Variants in PANK1 observed in about 807,000 individuals in gnomAD.
The protein encoded by PANK1 is pantothenate kinase 1, also known as pantothenic acid kinase 1.
In PANK1, 18 loss-of-function variants were observed where a neutral mutation model predicts 40.1. That is an observed-to-expected ratio of 0.45 (90% CI 0.31 to 0.67). The LOEUF (loss-of-function observed/expected upper bound fraction) is 0.67. Ranked by LOEUF, PANK1 falls within the 30% of genes least tolerant of loss-of-function variation. PANK1 has a pLI of 0.06. For synonymous variants in PANK1, 242 were observed against 237.7 expected (o/e 1.02, Z -0.17); for missense variants, 457 against 599.6 (o/e 0.76, Z 2.48).
chr10:89,623,023 C>T (rs1845542529), intron 1 of PANK1, among the ~76,000 whole-genome samples: 1 of 152,044 alleles, frequency 6.6e-6, no homozygotes, highest in Non-Finnish European at 1.5e-5. Flanking sequence ...TGTTCATTAT[C>T]TATCGTTAGG....
At position 89,611,872 on chromosome 10, in the gene PANK1, C is replaced by T. The variant is rs780871477; in HGVS notation, c.469G>A (p.Glu157Lys). The T allele has an allele frequency of 6.2e-7, 1 of 1,614,144 alleles. No individual in the cohort carries two copies. The highest frequency in any genetic ancestry group is 8.5e-7 in the Non-Finnish European group (1 of 1,180,020). ...CCACACATGGTCAGGTTTTTCAGTT[C>T]CAGGTGGACGTCTCGGATCCCAGTT... ...GKTGIRDVHL[E>K]LKNLTMCGRK... Residue 157 changes from glutamate to lysine, a missense_variant, in exon 2 of 7, where the codon GAA becomes AAA. Physicochemically the swap from Glu to Lys is moderately conservative, Grantham distance 56. Coordinates refer to ENST00000307534, the MANE Select transcript of PANK1 (RefSeq NM_148977.3).
chr10:89,636,452 C>T (rs1454527979), intron 1 of PANK1, among the ~76,000 whole-genome samples: 1 of 151,800 alleles, frequency 6.6e-6, no homozygotes. Context: ...ATTCTCCTGC[C>T]TCATATTATT....
At chr10:89,620,990 G>A (rs533595530) in intron 1 of PANK1, among the ~76,000 whole-genome samples, 7 of 152,228 alleles carry the variant, frequency 4.6e-5, no homozygotes, top group Admixed American at 6.5e-5. Context: ...GCCTAAGGAC[G>A]TCCACAAGTT....
In PANK1 at chr10:89,593,321, C is replaced by T; in HGVS notation, c.1077-1G>A. The stretch of plus-strand genomic sequence containing the variant: ...TTCTTTACTCATCATGTTGCCAAAG[C>T]TATGTTGGAAATATCAGCGAGAGTG... On this transcript the variant is annotated splice_acceptor_variant, in intron 4 of 6. Transcript: ENST00000307534. LOFTEE classifies it high-confidence loss of function. The T allele has an allele frequency of 6.2e-7, 1 of 1,613,360 alleles. No individual in the cohort carries two copies. Among genetic ancestry groups the T allele is most frequent in the Non-Finnish European group, 8.5e-7 (1 of 1,179,634 alleles).
At chr10:89,623,070 G>A (rs1845545843) in intron 1 of PANK1, among the ~76,000 whole-genome samples, 1 of 152,118 alleles carries the variant, frequency 6.6e-6, no homozygotes, top group African/African-American at 2.4e-5. Flanking sequence ...ATTTCAGGCG[G>A]TTATAATTTT....
intron 1 of PANK1, among the ~76,000 whole-genome samples, chr10:89,628,905 A>G (rs945876725): frequency 6.6e-6 from 1 of 152,122 alleles, no homozygotes. Context: ...TGCGCTTCCC[A>G]GGCTGCTATG....
At chr10:89,592,333 G>A (rs1307321377) in intron 5 of PANK1, among the ~76,000 whole-genome samples, 1 of 152,180 alleles carries the variant, frequency 6.6e-6, no homozygotes, top group Non-Finnish European at 1.5e-5. Flanking sequence ...TCAACTGAGA[G>A]GGGGCTCAAG....
chr10:89,615,672 A>G (rs11185795), intron 1 of PANK1, among the ~76,000 whole-genome samples: 23,031 of 152,132 alleles, frequency 0.15, 2,172 homozygotes, highest in East Asian at 0.45. Flanking sequence ...CAAAGGAACT[A>G]CAGTATTAGT....
rs2133913399 is a variant in PANK1 at position 89,584,201 on chromosome 10, A to G, written c.*205T>C. On this transcript the variant is annotated 3_prime_UTR_variant, in exon 7 of 7. Coordinates refer to ENST00000307534, the MANE Select transcript of PANK1 (RefSeq NM_148977.3). ...AAAAAATACAGTATACAGAAAAAAA[A>G]CCTTTTATATTCCCCCGTTTTGAAT... 3 of 497,066 alleles carry G rather than the reference A, an allele frequency of 6.0e-6. No individual in the cohort carries two copies. The highest frequency in any genetic ancestry group is 5.8e-5 in the East Asian group (2 of 34,412). 30.8% of individuals were successfully genotyped at this position (497,066 alleles called of 1,614,324 possible). A position where few individuals can be genotyped will look rare whatever the true frequency, so the allele number is the denominator to read the frequency against.
chr10:89,638,989 T>A (rs1841898738), intron 1 of PANK1, among the ~76,000 whole-genome samples: 2 of 152,228 alleles, frequency 1.3e-5, no homozygotes, highest in Admixed American at 6.5e-5. Context: ...AGCCTCTACC[T>A]GTTACCCAGT....
At chr10:89,623,378 T>C (rs547295186) in intron 1 of PANK1, among the ~76,000 whole-genome samples, 2 of 152,094 alleles carry the variant, frequency 1.3e-5, no homozygotes, top group Admixed American at 6.5e-5. Context: ...CCCACCACCA[T>C]GCCTGGCTAA....
At chr10:89,588,835 A>C in intron 5 of PANK1, 58 bp from the exon 6 acceptor site, 1 of 1,311,788 alleles carries the variant, frequency 7.6e-7, no homozygotes. Context: ...CATTTGGCAA[A>C]GACCCAATGT....
chr10:89,630,443 T>C (rs12764076), intron 1 of PANK1, among the ~76,000 whole-genome samples: 27,641 of 151,970 alleles, frequency 0.18, 2,928 homozygotes, highest in East Asian at 0.35. Context: ...GATTACAAAA[T>C]TGAGGCTCAG....
In PANK1 at chr10:89,593,307, T is replaced by A. The variant is rs756683607; in HGVS notation, c.1090A>T (p.Met364Leu). The stretch of plus-strand genomic sequence containing the variant: ...ATGGAATCTCGCTTTTCTTTACTCA[T>A]CATGTTGCCAAAGCTATGTTGGAAA... ...SAVASSFGNM[M>L]SKEKRDSISK... Residue 364 changes from methionine (M) to leucine (L), a missense_variant, in exon 5 of 7, where the codon ATG (methionine) becomes TTG (leucine). By Grantham distance (15) the Met-to-Leu change is conservative. Coordinates refer to ENST00000307534, the MANE Select transcript of PANK1 (RefSeq NM_148977.3). 12 of 1,613,572 alleles carry A rather than the reference T, an allele frequency of 7.4e-6. No individual in the cohort carries two copies. Among genetic ancestry groups the A allele is most frequent in the East Asian group, 6.7e-5 (3 of 44,880 alleles).
intron 5 of PANK1, 57 bp from the exon 6 acceptor site, chr10:89,588,834 A>G (rs1844282426): frequency 2.3e-6 from 3 of 1,328,768 alleles, no homozygotes; most frequent in Non-Finnish European, 3.1e-6. Flanking sequence ...GCATTTGGCA[A>G]AGACCCAATG....
intron 1 of PANK1, among the ~76,000 whole-genome samples, chr10:89,628,069 A>G (rs1841526074): frequency 6.6e-6 from 1 of 152,202 alleles, no homozygotes; most frequent in Non-Finnish European, 1.5e-5. Context: ...AGGAAACCTC[A>G]CACCACTAGT....
chr10:89,610,926 G>A lies in PANK1; in HGVS notation c.645+770C>T, dbSNP rs572259793. Among the ~76,000 whole-genome samples, 20 of 151,986 alleles carry A rather than the reference G, an allele frequency of 1.3e-4. No homozygotes were observed. In the South Asian group the frequency reaches 4.2e-3, roughly 32 times the overall value. ...TAAAATGAAGACTACACAGTACAGA[G>A]ATTATTATATTGACTGTAGAAAATG... On this transcript the variant is annotated intron_variant, in intron 2 of 6. Transcript: ENST00000307534.
At chr10:89,635,157 G>T (rs1163758204) in intron 1 of PANK1, among the ~76,000 whole-genome samples, 2 of 151,504 alleles carry the variant, frequency 1.3e-5, no homozygotes, top group African/African-American at 4.8e-5. Flanking sequence ...GAGAGAGAGA[G>T]ATAAAATGTC....
chr10:89,614,684 C>G (rs1156797472), intron 1 of PANK1, among the ~76,000 whole-genome samples: 1 of 151,966 alleles, frequency 6.6e-6, no homozygotes, highest in Non-Finnish European at 1.5e-5. Context: ...GTAGTCCCAG[C>G]TACTTGAGAG....
Sources: gnomAD v4.1 joint callset for allele counts (sites outside exome capture counted in the v4.1 genomes callset) on GRCh38, gnomAD v4.1.1 for gene constraint, MANE v1.5 for transcripts, NCBI Gene and HGNC (gene_info 2026-07-23, HGNC 2026-07-21) for gene names.